Variants in NRF1 observed in about 807,000 individuals in gnomAD.
NRF1 encodes the protein alpha palindromic-binding protein.
In NRF1, 5 loss-of-function variants were observed where a neutral mutation model predicts 58.5. The observed-to-expected ratio is 0.09, with a 90% confidence interval of 0.04 to 0.18. NRF1 has a LOEUF of 0.18. Among genes scored for constraint, NRF1 ranks in the 10% least tolerant of loss-of-function variants. The probability of loss-of-function intolerance (pLI) is 1.00; values close to 1 mark genes in which losing one functional copy is unlikely to be tolerated. For missense variants in NRF1, 288 were observed against 657.7 expected (o/e 0.44, Z 6.15); for synonymous variants, 224 against 246.7 (o/e 0.91, Z 0.86).
intron 1 of NRF1, among the ~76,000 whole-genome samples, chr7:129,636,183 GTGA>G (rs1218632701): frequency 3.6e-4 from 55 of 151,860 alleles, no homozygotes; most frequent in African/African-American, 1.3e-3. Context: ...TACTTTCTCT[GTGA>G]TGATGACACA....
chr7:129,630,369 T>C (rs775437993), intron 1 of NRF1, among the ~76,000 whole-genome samples: 5 of 152,204 alleles, frequency 3.3e-5, no homozygotes, highest in African/African-American at 4.8e-5. Flanking sequence ...TAATGAGTCT[T>C]CTACTTTCTG....
chr7:129,683,321 G>GTGTC (rs71167204), intron 4 of NRF1, among the ~76,000 whole-genome samples: 2 of 100,040 alleles, frequency 2.0e-5, no homozygotes, highest in Non-Finnish European at 4.2e-5. Flanking sequence ...GTGTGTGTGT[G>GTGTC]AGAGAGAGAG....
In NRF1 at chr7:129,753,402, G is replaced by A. The variant is rs189233082; in HGVS notation, c.1349-1616G>A. On this transcript the variant is annotated intron_variant, in intron 10 of 10. Coordinates refer to ENST00000393232, the MANE Select transcript of NRF1 (RefSeq NM_005011.5). Reference sequence around the variant, plus strand: ...CTTTCTGCCGTAGCTAGGCCTCTATGTGCTGAGCCCTGTGTGAGCATAGGA... The same window carrying A: ...CTTTCTGCCGTAGCTAGGCCTCTATATGCTGAGCCCTGTGTGAGCATAGGA... Among the ~76,000 whole-genome samples the A allele has an allele frequency of 2.1e-3, 317 of 152,318 alleles. 3 individuals carry two copies. Among genetic ancestry groups the A allele is most frequent in the African/African-American group, 6.9e-3 (285 of 41,550 alleles).
In NRF1 at chr7:129,741,462, T is replaced by G. The variant is rs1803845231; in HGVS notation, c.1349-13556T>G. Among the ~76,000 whole-genome samples the G allele has an allele frequency of 6.6e-6, 1 of 152,208 alleles. No individual in the cohort carries two copies. On this transcript the variant is annotated intron_variant, in intron 10 of 10. Transcript: ENST00000393232. The surrounding 1 kb of genome is among the most constrained non-coding windows in gnomAD (Gnocchi z 4.0). ...AGACTGAATCTTGTGCCTGTCATTG[T>G]GAGCGCTATTCTGTAAAGGGATTTT...
At chr7:129,616,465 T>C (rs10227655) in intron 1 of NRF1, among the ~76,000 whole-genome samples, 23,277 of 152,202 alleles carry the variant, frequency 0.15, 1,921 homozygotes, top group African/African-American at 0.23. Flanking sequence ...CTGGGTATGG[T>C]GGCATATGCC....
intron 10 of NRF1, among the ~76,000 whole-genome samples, chr7:129,738,317 G>C (rs1227399843): frequency 6.6e-6 from 1 of 152,244 alleles, no homozygotes; most frequent in Non-Finnish European, 1.5e-5. Flanking sequence ...GGAGTATGCA[G>C]CGTTGCCTGT....
intron 2 of NRF1, among the ~76,000 whole-genome samples, chr7:129,665,632 G>C: frequency 6.6e-6 from 1 of 152,026 alleles, no homozygotes; most frequent in East Asian, 1.9e-4. Context: ...TGTTGTTGTT[G>C]GTTTTTTTTG....
At chr7:129,614,469 A>AGTGTGTGTGTGTGTG in intron 1 of NRF1, among the ~76,000 whole-genome samples, 1 of 16,758 alleles carries the variant, frequency 6.0e-5, no homozygotes, top group Admixed American at 4.9e-4. Context: ...GTGTGTGTAC[A>AGTGTGTGTGTGTGTG]TACATATATA....
chr7:129,699,682 G>C (rs1198217439), intron 5 of NRF1, among the ~76,000 whole-genome samples: 1 of 151,726 alleles, frequency 6.6e-6, no homozygotes, highest in Non-Finnish European at 1.5e-5. Flanking sequence ...AGTGAGCCGA[G>C]ATCGCGCCAC....
chr7:129,615,725 T>C (rs1474957781), intron 1 of NRF1, among the ~76,000 whole-genome samples: 1 of 152,240 alleles, frequency 6.6e-6, no homozygotes, highest in Non-Finnish European at 1.5e-5. Context: ...TGTTAATTTT[T>C]GTGCCTTGTG....
chr7:129,672,958 A>G lies in NRF1; in HGVS notation c.338+1415A>G, dbSNP rs766236029. 6.6e-5 allele frequency among the ~76,000 whole-genome samples: 10 copies of G among 152,256 alleles called. No homozygotes were observed. The South Asian group carries it at 2.1e-3, about 32-fold the overall frequency. ...GTGAGTATGGACTGAGGCCTGAAGC[A>G]CTCCACCTTTTAGAGGTTAGAGAGA... On this transcript the variant is annotated intron_variant, in intron 3 of 10. Transcript: ENST00000393232.
chr7:129,677,162 C>T (rs568486059), intron 3 of NRF1, among the ~76,000 whole-genome samples: 67 of 152,140 alleles, frequency 4.4e-4, no homozygotes, highest in African/African-American at 1.6e-3. Context: ...AGGCGTGTGC[C>T]ACCATGTCTG....
At chr7:129,710,338 G>T (rs1176978221) in intron 6 of NRF1, 36 bp from the exon 7 acceptor site, 2 of 1,603,684 alleles carry the variant, frequency 1.2e-6, no homozygotes, top group Non-Finnish European at 1.7e-6. Flanking sequence ...AAAGTTCTTT[G>T]TGGCTTAATG....
intron 2 of NRF1, among the ~76,000 whole-genome samples, chr7:129,661,509 A>G (rs1336397567): frequency 1.3e-5 from 2 of 150,938 alleles, no homozygotes; most frequent in African/African-American, 2.5e-5. Context: ...GATACCCTAA[A>G]TCATCTCTCT....
intron 3 of NRF1, among the ~76,000 whole-genome samples, chr7:129,674,791 A>G (rs1427486938): frequency 6.6e-6 from 1 of 152,176 alleles, no homozygotes; most frequent in African/African-American, 2.4e-5. Flanking sequence ...GCAGTGACTC[A>G]TAATCTTATT....
intron 9 of NRF1, 134 bp from the exon 10 acceptor site, chr7:129,727,107 T>C (rs1803466993): frequency 1.2e-6 from 1 of 814,852 alleles, no homozygotes; most frequent in Non-Finnish European, 1.8e-6. Flanking sequence ...AGCACTGTTA[T>C]CACATATTTG....
At chr7:129,742,293 C>A (rs3993406) in intron 10 of NRF1, among the ~76,000 whole-genome samples, 71,452 of 135,040 alleles carry the variant, frequency 0.53, 19,064 homozygotes, top group East Asian at 0.64. Flanking sequence ...AAAAAAAAAA[C>A]AAAAAACTTT....
At chr7:129,734,211 C>T (rs547667197) in intron 10 of NRF1, among the ~76,000 whole-genome samples, 7 of 152,140 alleles carry the variant, frequency 4.6e-5, no homozygotes, top group Non-Finnish European at 1.0e-4. Flanking sequence ...GTTTTACATG[C>T]ATTATATTTA....
intron 9 of NRF1, among the ~76,000 whole-genome samples, chr7:129,723,074 C>T (rs990254360): frequency 6.6e-6 from 1 of 152,166 alleles, no homozygotes; most frequent in Non-Finnish European, 1.5e-5. Flanking sequence ...TAATCATTGA[C>T]AGGTGGATGC....
Sources: allele counts gnomAD v4.1 joint callset (sites outside exome capture counted in the v4.1 genomes callset), GRCh38; gene constraint gnomAD v4.1.1; non-coding constraint Gnocchi (gnomAD v3.1); transcripts MANE v1.5; gene names NCBI Gene and HGNC (gene_info 2026-07-23, HGNC 2026-07-21).